The following HTR2C variants were observed in gnomAD, a reference collection of about 807,000 sequenced individuals.
The protein encoded by HTR2C is 5-hydroxytryptamine (serotonin) receptor 2C, G protein-coupled.
Under a neutral mutation model 21.0 loss-of-function variants are expected in HTR2C, and 5 were observed. The ratio of observed to expected loss-of-function variants is 0.24; its 90% confidence interval spans 0.12 to 0.50. The LOEUF (loss-of-function observed/expected upper bound fraction) is 0.50. Among genes scored for constraint, HTR2C ranks in the 20% least tolerant of loss-of-function variants. HTR2C has a pLI of 0.98. For missense variants in HTR2C, 271 were observed against 371.2 expected, an observed-to-expected ratio of 0.73 and a Z score of 2.22; for synonymous variants, 150 against 145.3, an observed-to-expected ratio of 1.03 and a Z score of -0.23.
intron 2 of HTR2C, among the ~76,000 whole-genome samples, chrX:114,719,901 A>G (rs1378257060): frequency 3.6e-5 from 4 of 111,311 alleles, no homozygotes; most frequent in African/African-American, 1.3e-4. Context: ...GTTTTGTTAT[A>G]CTCTATTGGA....
At chrX:114,644,061 G>A (rs1462824451) in intron 2 of HTR2C, among the ~76,000 whole-genome samples, 2 of 109,359 alleles carry the variant, frequency 1.8e-5, no homozygotes, top group East Asian at 2.9e-4. Flanking sequence ...TTCTGAGAAG[G>A]GCTGCGCACG....
chrX:114,834,593 G>A (rs2070762517), intron 4 of HTR2C, among the ~76,000 whole-genome samples: 1 of 106,646 alleles, frequency 9.4e-6, no homozygotes, highest in Admixed American at 1.0e-4. Flanking sequence ...TTGAGCCTAT[G>A]TGTGTCTCTG....
At chrX:114,627,256 C>T (rs782355851) in intron 2 of HTR2C, among the ~76,000 whole-genome samples, 2 of 111,134 alleles carry the variant, frequency 1.8e-5, no homozygotes, top group African/African-American at 6.5e-5. Context: ...GAGTCCAGAA[C>T]TAGTAGTTGA....
At chrX:114,724,034 T>G (rs1243384928) in intron 2 of HTR2C, among the ~76,000 whole-genome samples, 56 of 102,536 alleles carry the variant, frequency 5.5e-4, no homozygotes, top group African/African-American at 1.9e-3. Context: ...TATTAGGTCC[T>G]CTTGGTGCAG....
chrX:114,889,108 C>T (rs1046092688), intron 5 of HTR2C, among the ~76,000 whole-genome samples: 8 of 111,891 alleles, frequency 7.1e-5, no homozygotes, highest in Non-Finnish European at 1.3e-4. Context: ...AGATTCTCAT[C>T]ATTCCTCAGG....
At chrX:114,784,022 A>T (rs1359207351) in intron 4 of HTR2C, among the ~76,000 whole-genome samples, 1 of 110,463 alleles carries the variant, frequency 9.1e-6, no homozygotes, top group African/African-American at 3.3e-5. Flanking sequence ...AAAAATTAGG[A>T]ATTGCAGACT....
At chrX:114,805,029 A>G (rs2070387956) in intron 4 of HTR2C, among the ~76,000 whole-genome samples, 1 of 111,699 alleles carries the variant, frequency 9.0e-6, no homozygotes, top group Non-Finnish European at 1.9e-5. Flanking sequence ...ACGAAATATA[A>G]AAGTTGAGAG....
At chrX:114,876,638 A>G (rs1354587179) in intron 5 of HTR2C, among the ~76,000 whole-genome samples, 22 of 109,711 alleles carry the variant, frequency 2.0e-4, no homozygotes, top group Non-Finnish European at 1.5e-4. Flanking sequence ...GAGAGTTATC[A>G]TCATAAAAGA....
At chrX:114,588,656 T>C (rs985570283) in intron 1 of HTR2C, among the ~76,000 whole-genome samples, 1 of 111,730 alleles carries the variant, frequency 9.0e-6, no homozygotes, top group Non-Finnish European at 1.9e-5. Flanking sequence ...AACTAATCAG[T>C]AAACGCTTAC....
intron 4 of HTR2C, among the ~76,000 whole-genome samples, chrX:114,834,121 G>A (rs1192540576): frequency 9.1e-6 from 1 of 109,357 alleles, no homozygotes; most frequent in Non-Finnish European, 1.9e-5. Context: ...TTACTTCCAA[G>A]TATGTGGTCA....
chrX:114,899,880 T>C (rs1556484899), intron 5 of HTR2C, among the ~76,000 whole-genome samples: 4 of 111,891 alleles, frequency 3.6e-5, no homozygotes, highest in African/African-American at 1.3e-4. Flanking sequence ...TCAGCTTTAG[T>C]TGACATGAAA....
At chrX:114,743,065 T>C (rs2069667269) in intron 4 of HTR2C, among the ~76,000 whole-genome samples, 1 of 75,381 alleles carries the variant, frequency 1.3e-5, no homozygotes, top group African/African-American at 5.1e-5. Context: ...GAACTCATCA[T>C]TTTTTATGGC....
At chrX:114,641,809 G>C (rs782475035) in intron 2 of HTR2C, among the ~76,000 whole-genome samples, 87 of 110,970 alleles carry the variant, frequency 7.8e-4, no homozygotes, top group African/African-American at 2.8e-3. Flanking sequence ...GTGTGCCATG[G>C]TGTTTTGCTG....
intron 2 of HTR2C, among the ~76,000 whole-genome samples, chrX:114,629,056 T>G (rs1556403610): frequency 4.5e-5 from 5 of 112,251 alleles, no homozygotes; most frequent in Non-Finnish European, 9.4e-5. Flanking sequence ...TTTTCCATCT[T>G]TTTATATTTA....
rs1237694000 is a variant in HTR2C, at chrX:114,834,630, G to A, written c.350-13373G>A. ...ACGTGAGATGGGTTTCCTGAATACA[G>A]CACACTGATGGGTCTTGACTCTTTA... On this transcript the variant is annotated intron_variant, in intron 4 of 5. Coordinates refer to ENST00000276198, the MANE Select transcript of HTR2C (RefSeq NM_000868.4). Among the ~76,000 whole-genome samples the A allele has an allele frequency of 1.6e-4, 17 of 104,794 alleles. 1 individual carries two copies. The highest frequency in any genetic ancestry group is 2.8e-4 in the Non-Finnish European group (14 of 50,810). 91.0% of individuals were successfully genotyped at this position (104,794 alleles called of 115,157 possible).
intron 2 of HTR2C, among the ~76,000 whole-genome samples, chrX:114,717,919 A>G (rs1012438345): frequency 2.7e-5 from 2 of 73,204 alleles, no homozygotes; most frequent in African/African-American, 8.6e-5. Context: ...AAGTACATCT[A>G]TATGGCTCTT....
chrX:114,716,461 T>C (rs1165235646), intron 2 of HTR2C, among the ~76,000 whole-genome samples: 1 of 111,190 alleles, frequency 9.0e-6, no homozygotes, highest in Non-Finnish European at 1.9e-5. Context: ...GAAAAAAATT[T>C]TTTTTTCCAT....
intron 4 of HTR2C, among the ~76,000 whole-genome samples, chrX:114,772,490 G>GC (rs1471757425): frequency 2.8e-5 from 3 of 108,878 alleles, no homozygotes; most frequent in African/African-American, 1.0e-4. Flanking sequence ...GGCGTGGTGG[G>GC]GGGGCCTTGA....
chrX:114,783,132 A>G (rs2070136691), intron 4 of HTR2C, among the ~76,000 whole-genome samples: 1 of 111,860 alleles, frequency 8.9e-6, no homozygotes, highest in Non-Finnish European at 1.9e-5. Context: ...TTCAGGAAAA[A>G]GTTTTCAGAC....
Sources: gnomAD v4.1 joint callset for allele counts (sites outside exome capture counted in the v4.1 genomes callset) on GRCh38, gnomAD v4.1.1 for gene constraint, MANE v1.5 for transcripts, NCBI Gene and HGNC (gene_info 2026-07-23, HGNC 2026-07-21) for gene names.